NCALD: variants seen among roughly 807,000 people sequenced by gnomAD.
The protein encoded by NCALD is neurocalcin-delta.
In NCALD, 10 loss-of-function variants were observed where a neutral mutation model predicts 18.6. That is an observed-to-expected ratio of 0.54 (90% confidence interval 0.33 to 0.91). The LOEUF is 0.91. Ranked by LOEUF, NCALD falls within the 40% of genes least tolerant of loss-of-function variation. NCALD has a pLI of 0.03. For missense variants in NCALD, 184 were observed against 247.6 expected, an observed-to-expected ratio of 0.74 and a Z score of 1.72; for synonymous variants, 88 against 87.4, an observed-to-expected ratio of 1.01 and a Z score of -0.04.
At chr8:101,962,607 GAT>G (rs1388912654) in intron 2 of NCALD, among the ~76,000 whole-genome samples, 1 of 152,160 alleles carries the variant, frequency 6.6e-6, no homozygotes, top group East Asian at 1.9e-4. Flanking sequence ...GATCTTGCTG[GAT>G]ATGCAAAATC....
intron 1 of NCALD, among the ~76,000 whole-genome samples, chr8:101,736,379 C>A (rs1032535926): frequency 6.6e-6 from 1 of 152,206 alleles, no homozygotes; most frequent in African/African-American, 2.4e-5. Context: ...CATGTCTCAG[C>A]AACCACACTG....
intron 3 of NCALD, chr8:101,690,992 T>G: frequency 1.0e-6 from 1 of 985,458 alleles, no homozygotes; most frequent in Non-Finnish European, 1.2e-6. Flanking sequence ...TAGGAGAACT[T>G]GCCTGAGGGC....
rs142383811 is a variant in NCALD, at chr8:101,998,252, T to C, written c.-157+21985A>G. Among the ~76,000 whole-genome samples the C allele has an allele frequency of 4.9e-3, 751 of 152,300 alleles. 10 individuals are homozygous for C. Among genetic ancestry groups the C allele is most frequent in the African/African-American group, 0.017 (697 of 41,560 alleles). On this transcript the variant is annotated intron_variant, in intron 2 of 6. Coordinates refer to the NCALD transcript ENST00000311028. ...ATAAAACTGACTCTTTTTTAAAAGA[T>C]GGATTTACTCGTTAATTTAATGCAT... is the stretch of plus-strand genomic sequence containing the variant.
At chr8:102,094,016 G>A (rs1825012267) in intron 1 of NCALD, among the ~76,000 whole-genome samples, 1 of 152,186 alleles carries the variant, frequency 6.6e-6, no homozygotes, top group Admixed American at 6.5e-5. Context: ...AAATGAGCCA[G>A]GGTATTTGAT....
At chr8:101,978,883 T>C (rs943082466) in intron 2 of NCALD, among the ~76,000 whole-genome samples, 5 of 152,142 alleles carry the variant, frequency 3.3e-5, no homozygotes, top group African/African-American at 1.2e-4. Flanking sequence ...AAAATCAGTG[T>C]TGGGTAAAAA....
intron 4 of NCALD, among the ~76,000 whole-genome samples, chr8:101,843,527 CTCT>C (rs1283907595): frequency 4.0e-5 from 6 of 151,378 alleles, no homozygotes; most frequent in Non-Finnish European, 4.4e-5. Context: ...ACTGCAGCTT[CTCT>C]TCTTCTGTGC....
Position 101,870,044 on chromosome 8 carries a change from G to C in NCALD, c.-20+17097C>G, listed in dbSNP as rs533731598. Among the ~76,000 whole-genome samples the C allele has an allele frequency of 1.6e-4, 25 of 152,110 alleles. 1 individual carries two copies. Among genetic ancestry groups the C allele is most frequent in the Non-Finnish European group, 2.5e-4 (17 of 68,012 alleles). On this transcript the variant is annotated intron_variant, in intron 4 of 6. Transcript: ENST00000311028. Reference sequence around the variant, plus strand: ...ACCATAATATTTTATTTTACAGTTTGAAAATTGAGGAAATTAAAAACAGAA... The same window carrying C: ...ACCATAATATTTTATTTTACAGTTTCAAAATTGAGGAAATTAAAAACAGAA...
chr8:102,047,912 T>C (rs1268916595), intron 1 of NCALD, among the ~76,000 whole-genome samples: 1 of 152,158 alleles, frequency 6.6e-6, no homozygotes, highest in Non-Finnish European at 1.5e-5. Context: ...ATTTTTACAT[T>C]TACTTAAGAT....
chr8:101,973,022 G>C lies in NCALD; in HGVS notation c.-157+47215C>G, dbSNP rs73279285. On this transcript the variant is annotated intron_variant, in intron 2 of 6. Coordinates refer to the NCALD transcript ENST00000311028. The stretch of plus-strand genomic sequence containing the variant: ...AATTAATGGGGATGGGGGATATTGA[G>C]AGTTGCCCCAAAGCAGGAGTGGTAT... 8.6e-3 allele frequency among the ~76,000 whole-genome samples: 1,308 copies of C among 152,282 alleles called. 19 individuals are homozygous for C. Among genetic ancestry groups the C allele is most frequent in the African/African-American group, 0.03 (1,233 of 41,560 alleles).
At chr8:102,080,814 C>A (rs1323523518) in intron 1 of NCALD, among the ~76,000 whole-genome samples, 1 of 152,246 alleles carries the variant, frequency 6.6e-6, no homozygotes, top group Non-Finnish European at 1.5e-5. Flanking sequence ...CCAGTGGGCT[C>A]TGAGGCTCCA....
chr8:101,797,703 C>G (rs928813917), intron 4 of NCALD, among the ~76,000 whole-genome samples: 2 of 151,952 alleles, frequency 1.3e-5, no homozygotes, highest in East Asian at 3.9e-4. Flanking sequence ...GTAGTCCCAG[C>G]TAATCCGGAA....
intron 2 of NCALD, among the ~76,000 whole-genome samples, chr8:101,995,236 A>G (rs952519572): frequency 2.0e-5 from 3 of 152,228 alleles, no homozygotes; most frequent in African/African-American, 7.2e-5. Flanking sequence ...AATTCAAACC[A>G]AAACCATAAC....
At chr8:101,794,641 G>C (rs749072294), upstream of NCALD, among the ~76,000 whole-genome samples, 1 of 152,128 alleles carries the variant, frequency 6.6e-6, no homozygotes. Flanking sequence ...ACTACATGTG[G>C]AACATTTTTC....
At chr8:102,030,736 T>A (rs1488358936) in intron 1 of NCALD, among the ~76,000 whole-genome samples, 5 of 151,862 alleles carry the variant, frequency 3.3e-5, no homozygotes, top group African/African-American at 4.8e-5. Context: ...ATTAGCTGGA[T>A]GTGGTGGTGC....
intron 4 of NCALD, among the ~76,000 whole-genome samples, chr8:101,871,460 T>C (rs146678470): frequency 8.5e-4 from 130 of 152,244 alleles, no homozygotes; most frequent in African/African-American, 3.1e-3. Context: ...GCACAATACA[T>C]GCTAGAACCC....
intron 1 of NCALD, among the ~76,000 whole-genome samples, chr8:101,759,278 G>A (rs1255179015): frequency 6.6e-6 from 1 of 152,116 alleles, no homozygotes; most frequent in Non-Finnish European, 1.5e-5. Flanking sequence ...AAGAAATTTT[G>A]ATAAAGATTC....
chr8:101,695,962 G>GT (rs199517049), intron 2 of NCALD, among the ~76,000 whole-genome samples: 175 of 151,838 alleles, frequency 1.2e-3, no homozygotes, highest in African/African-American at 4.1e-3. Flanking sequence ...CCTTTTATAT[G>GT]TTTTTTTTAG....
In NCALD at chr8:102,100,978, G is replaced by T. The variant is rs144217275; in HGVS notation, c.-210+23259C>A. Among the ~76,000 whole-genome samples, 426 of 152,308 alleles carry T rather than the reference G, an allele frequency of 2.8e-3. 3 individuals are homozygous for T. Among genetic ancestry groups the T allele is most frequent in the African/African-American group, 9.7e-3 (403 of 41,562 alleles). On this transcript the variant is annotated intron_variant, in intron 1 of 6. Coordinates refer to the NCALD transcript ENST00000311028. ...GAAGAAGTTCTGGAGATGGATGGTG[G>T]TGATGGTTGCACAATAATGTGAATG... is the stretch of plus-strand genomic sequence containing the variant.
intron 2 of NCALD, among the ~76,000 whole-genome samples, chr8:101,976,591 A>G (rs1563500008): frequency 6.6e-6 from 1 of 152,232 alleles, no homozygotes; most frequent in Non-Finnish European, 1.5e-5. Flanking sequence ...GTACACATAG[A>G]TTCTTTTAGA....
Sources: gnomAD v4.1 joint callset for allele counts (sites outside exome capture counted in the v4.1 genomes callset) on GRCh38, gnomAD v4.1.1 for gene constraint, MANE v1.5 for transcripts, NCBI Gene and HGNC (gene_info 2026-07-23, HGNC 2026-07-21) for gene names.